The following DHX33 variants were observed in gnomAD, a reference collection of about 807,000 sequenced individuals.
DHX33 encodes the protein ATP-dependent RNA helicase DHX33.
In DHX33, 42 loss-of-function variants were observed where a neutral mutation model predicts 72.5. That is an observed-to-expected ratio of 0.58 (90% CI 0.45 to 0.75). The LOEUF (loss-of-function observed/expected upper bound fraction) is 0.75, where lower values mean the gene tolerates loss of function less well. DHX33 is among the 30% of genes least tolerant of loss of function. The pLI, the probability that DHX33 is intolerant of heterozygous loss-of-function variation, is 0.00. For synonymous variants in DHX33, 358 were observed against 366.1 expected, an observed-to-expected ratio of 0.98 and a Z score of 0.25; for missense variants, 842 against 917.5, an observed-to-expected ratio of 0.92 and a Z score of 1.06.
rs545735982 is a variant in DHX33 at position 5,444,734 on chromosome 17, C to T, written c.1816-221G>A. Among the ~76,000 whole-genome samples, 19 of 152,176 alleles carry T rather than the reference C, an allele frequency of 1.2e-4. No individual in the cohort carries two copies. The highest frequency in any genetic ancestry group is 4.1e-4 in the African/African-American group (17 of 41,450). ...CACGGACCAGAAACAGGGAAACTAC[C>T]GCCTGTGAAGGTAGGGCTGGGAGGG... is the stretch of plus-strand genomic sequence containing the variant. On this transcript the variant is annotated intron_variant, in intron 11 of 11. Coordinates refer to ENST00000225296, the MANE Select transcript of DHX33 (RefSeq NM_020162.4). This position sits in a 1 kb window ranked among gnomAD's most constrained non-coding sequence, Gnocchi z 4.9.
Position 5,444,201 on chromosome 17 carries a change from C to T in DHX33, c.*4G>A, listed in dbSNP as rs369666896. 113 of 1,609,642 alleles carry T rather than the reference C, an allele frequency of 7.0e-5. No individual in the cohort carries two copies. The African/African-American group carries it at 1.3e-3, about 18-fold the overall frequency. ...CAGTGATTCTGGCGGCATCCTGGGG[C>T]GGCTCAGTTTCTGGCGGTTCTCAGC... On this transcript the variant is annotated 3_prime_UTR_variant, in exon 12 of 12. Transcript: ENST00000225296. The surrounding 1 kb of genome is among the most constrained non-coding windows in gnomAD (Gnocchi z 4.9).
At chr17:5,447,438 C>T (rs902675021) in intron 11 of DHX33, among the ~76,000 whole-genome samples, 1 of 152,120 alleles carries the variant, frequency 6.6e-6, no homozygotes, top group African/African-American at 2.4e-5. Context: ...TCCTGGCTAA[C>T]ATGGTGAAAC....
intron 8 of DHX33, among the ~76,000 whole-genome samples, chr17:5,452,782 A>G (rs1917001986): frequency 6.6e-6 from 1 of 152,174 alleles, no homozygotes; most frequent in African/African-American, 2.4e-5. Context: ...ATATGCATAC[A>G]TTTGCTCTAG....
In DHX33 at chr17:5,468,968, C is replaced by A. The variant is rs1597367274; in HGVS notation, c.-109G>T. 5 of 640,126 alleles carry A rather than the reference C, an allele frequency of 7.8e-6. No individual in the cohort carries two copies. Among genetic ancestry groups the A allele is most frequent in the South Asian group, 2.1e-5 (1 of 48,654 alleles). 39.7% of individuals were successfully genotyped at this position (640,126 alleles called of 1,614,324 possible). A position where few individuals can be genotyped will look rare whatever the true frequency, so the allele number is the denominator to read the frequency against. ...CTTCCTCGCCGCCACGTGCTGGCGG[C>A]TCCCGGCGACCACCGATGACCTCAC... On this transcript the variant is annotated 5_prime_UTR_variant, in exon 1 of 12. Coordinates refer to ENST00000225296, the MANE Select transcript of DHX33 (RefSeq NM_020162.4).
In DHX33 at chr17:5,468,957, CGT is replaced by C; in HGVS notation, c.-100_-99del. On this transcript the variant is annotated 5_prime_UTR_variant, in exon 1 of 12. Coordinates refer to ENST00000225296, the MANE Select transcript of DHX33 (RefSeq NM_020162.4). ...GCACACCGCCCCTTCCTCGCCGCCA[CGT>C]GCTGGCGGCTCCCGGCGACCACCGA... 8.8e-7 allele frequency: 1 copy of C among 1,142,226 alleles called. No individual in the cohort carries two copies. Among genetic ancestry groups the C allele is most frequent in the East Asian group, 2.8e-5 (1 of 35,272 alleles). The allele number at this position is 1,142,226 out of a possible 1,614,324, so 70.8% of individuals were successfully genotyped here. A position where few individuals can be genotyped will look rare whatever the true frequency, so the allele number is the denominator to read the frequency against.
chr17:5,465,314 A>G (rs1473362758), intron 1 of DHX33, among the ~76,000 whole-genome samples: 1 of 152,156 alleles, frequency 6.6e-6, no homozygotes, highest in African/African-American at 2.4e-5. Context: ...CCTGACCCAG[A>G]TAAGAATCAG....
In DHX33 at chr17:5,464,330, A is replaced by T. The variant is rs376068324; in HGVS notation, c.290-641T>A. On this transcript the variant is annotated intron_variant, in intron 1 of 11. Coordinates refer to ENST00000225296, the MANE Select transcript of DHX33 (RefSeq NM_020162.4). ...GGGCAACGGAATGACACCCTGTCTT[A>T]GAAAAACAACAACAACAAAAAGCAA... Among the ~76,000 whole-genome samples, 22 of 151,288 alleles carry T rather than the reference A, an allele frequency of 1.5e-4. 1 individual carries two copies. The highest frequency in any genetic ancestry group is 3.9e-4 in the Admixed American group (6 of 15,214).
intron 11 of DHX33, 36 bp downstream of exon 11, chr17:5,448,773 C>CT (rs752555104): frequency 2.2e-5 from 33 of 1,502,198 alleles, no homozygotes; most frequent in Non-Finnish European, 2.9e-5. Flanking sequence ...AAAGTGACAG[C>CT]TTTGTCACCC....
Position 5,453,807 on chromosome 17 carries a change from C to G in DHX33, c.1307+14G>C. 6.8e-6 allele frequency: 11 copies of G among 1,613,670 alleles called. No individual in the cohort carries two copies. The highest frequency in any genetic ancestry group is 8.5e-6 in the Non-Finnish European group (10 of 1,179,738). ...GTGACAAACAGCAGCAGTGCAGGAG[C>G]AACTGGTGCCTACCTCTGGATCTCT... On this transcript the variant is annotated intron_variant, in intron 7 of 11. Coordinates refer to ENST00000225296, the MANE Select transcript of DHX33 (RefSeq NM_020162.4).
In DHX33 at chr17:5,448,893, A is replaced by T. The variant is rs748148767; in HGVS notation, c.1731T>A (p.Asp577Glu). ...TGTTGACAAAATTCTCTTTGCACCA[A>T]TCCTGAATAGGAGAAAGAGTGATAT... The part of the protein sequence containing the change: ...RTFKNLGGNK[D>E]WCKENFVNSK... Residue 577 changes from aspartate (D) to glutamate (E), a missense_variant and splice_region_variant, in exon 11 of 12, where the codon GAT becomes GAA. Coordinates refer to ENST00000225296, the MANE Select transcript of DHX33 (RefSeq NM_020162.4). 6.2e-7 allele frequency: 1 copy of T among 1,611,808 alleles called. No homozygotes were observed. The highest frequency in any genetic ancestry group is 8.5e-7 in the Non-Finnish European group (1 of 1,178,566).
chr17:5,451,065 T>C, intron 8 of DHX33, 131 bp from the exon 9 acceptor site: 1 of 983,132 alleles, frequency 1.0e-6, no homozygotes, highest in Non-Finnish European at 1.5e-6. Context: ...CACTGCCCCC[T>C]TGACACACTT....
At chr17:5,462,985 G>A (rs1468971804) in intron 2 of DHX33, among the ~76,000 whole-genome samples, 2 of 152,096 alleles carry the variant, frequency 1.3e-5, no homozygotes, top group Admixed American at 6.5e-5. Flanking sequence ...GGGAGGCTGA[G>A]GCAGGAGAAT....
At chr17:5,457,737 A>G (rs895181152) in intron 4 of DHX33, among the ~76,000 whole-genome samples, 4 of 152,188 alleles carry the variant, frequency 2.6e-5, no homozygotes, top group Admixed American at 2.0e-4. Context: ...CAGTATTAAC[A>G]GAACAAATGT....
chr17:5,467,700 C>T (rs1279891246), intron 1 of DHX33, among the ~76,000 whole-genome samples: 1 of 152,136 alleles, frequency 6.6e-6, no homozygotes, highest in Non-Finnish European at 1.5e-5. Context: ...GATAACATCC[C>T]CTGCTCCCAA....
chr17:5,461,595 G>A (rs548777666), intron 3 of DHX33, among the ~76,000 whole-genome samples: 134 of 139,596 alleles, frequency 9.6e-4, no homozygotes, highest in Non-Finnish European at 1.4e-3. Context: ...TGCAGCCTGG[G>A]TAACAGAGTG....
intron 1 of DHX33, among the ~76,000 whole-genome samples, chr17:5,468,318 A>G (rs1904968317): frequency 6.6e-6 from 1 of 152,148 alleles, no homozygotes; most frequent in Non-Finnish European, 1.5e-5. Context: ...AGCCCCCGGT[A>G]CGTTTCTCTA....
intron 4 of DHX33, 90 bp downstream of exon 4, chr17:5,460,849 T>G (rs1904564450): frequency 6.9e-7 from 1 of 1,456,980 alleles, no homozygotes; most frequent in South Asian, 1.3e-5. Flanking sequence ...GTTGTTTTAT[T>G]CAGTAGCTTT....
chr17:5,465,930 T>C (rs1051635066), intron 1 of DHX33, among the ~76,000 whole-genome samples: 1 of 152,198 alleles, frequency 6.6e-6, no homozygotes, highest in Non-Finnish European at 1.5e-5. Context: ...ATCCGTTCTC[T>C]AGCCCTGCAG....
At chr17:5,447,098 C>T (rs1215810927) in intron 11 of DHX33, among the ~76,000 whole-genome samples, 2 of 152,224 alleles carry the variant, frequency 1.3e-5, no homozygotes, top group Admixed American at 1.3e-4. Flanking sequence ...CAGTGATCAA[C>T]AGCAAAAGAA....
Sources: allele counts gnomAD v4.1 joint callset (sites outside exome capture counted in the v4.1 genomes callset), GRCh38; gene constraint gnomAD v4.1.1; non-coding constraint Gnocchi (gnomAD v3.1); transcripts MANE v1.5; gene names NCBI Gene and HGNC (gene_info 2026-07-23, HGNC 2026-07-21).